The following HR variants were observed in gnomAD, a reference collection of about 807,000 sequenced individuals.
HR encodes the protein HR lysine demethylase and nuclear receptor corepressor.
Under a neutral mutation model 128.6 loss-of-function variants are expected in HR, and 83 were observed. The ratio of observed to expected loss-of-function variants is 0.65; its 90% CI spans 0.54 to 0.77. The LOEUF (loss-of-function observed/expected upper bound fraction) is 0.77. Among genes scored for constraint, HR ranks in the 30% least tolerant of loss-of-function variants. The pLI is 0.00. For missense variants in HR, 1,490 were observed against 1,574.6 expected (o/e 0.95, Z 0.91); for synonymous variants, 681 against 658.2 (o/e 1.03, Z -0.53).
At position 22,121,106 on chromosome 8, in the gene HR, T is replaced by C; in HGVS notation, c.2326A>G (p.Ile776Val). The C allele has an allele frequency of 6.2e-7, 1 of 1,613,808 alleles. No individual in the cohort carries two copies. Among genetic ancestry groups the C allele is most frequent in the Non-Finnish European group, 8.5e-7 (1 of 1,180,036 alleles). ...GTGACGGGGGCGAAGGCCATGTGTA[T>C]TCGCTCATGGCCCAAGCAGAGTTTG... Reference protein sequence around the residue: ...AVKLCLGHERIHMAFAPVTPA... With the variant: ...AVKLCLGHERVHMAFAPVTPA... The change falls in exon 10 of 19, where the codon ATA (isoleucine) becomes GTA (valine). Residue 776 changes from isoleucine to valine, a missense_variant. Physicochemically the swap from Ile to Val is conservative, Grantham distance 29. This residue lies in a region of HR where 1,060 missense variants were observed against 1,060.9 expected (regional missense o/e 1.00). Coordinates refer to ENST00000381418, the MANE Select transcript of HR (RefSeq NM_005144.5).
intron 2 of HR, chr8:22,128,035 C>G (rs1826946558): frequency 1.6e-6 from 1 of 644,392 alleles, no homozygotes. Context: ...CTCAGACGTC[C>G]CCACAAGGAA....
Position 22,129,138 on chromosome 8 carries a change from G to GGTGCCCTTCAGGAAGCTGGGC in HR, c.12_32dup (p.Ser6_Pro12dup). On this transcript the variant is annotated inframe_insertion, in exon 2 of 19. Transcript: ENST00000381418. ...CTGGGGCCGTCTTCTCCCAGGTTGGGGTGCCCTTCAGGAAGCTGGGCGTAC... is the reference window on the plus strand; with the variant it reads ...CTGGGGCCGTCTTCTCCCAGGTTGGGGTGCCCTTCAGGAAGCTGGGCGTGCCCTTCAGGAAGCTGGGCGTAC... 6.4e-7 allele frequency: 1 copy of GGTGCCCTTCAGGAAGCTGGGC among 1,552,472 alleles called. No homozygotes were observed. The highest frequency in any genetic ancestry group is 8.7e-7 in the Non-Finnish European group (1 of 1,153,450).
At chr8:22,126,612 C>G (rs1018451353) in intron 3 of HR, among the ~76,000 whole-genome samples, 1 of 152,256 alleles carries the variant, frequency 6.6e-6, no homozygotes, top group Non-Finnish European at 1.5e-5. Flanking sequence ...CAAGCCCTTG[C>G]TATGAATCAT....
At chr8:22,117,211 G>A (rs967946977) in intron 16 of HR, 172 bp from the exon 17 acceptor site, 2 of 632,806 alleles carry the variant, frequency 3.2e-6, no homozygotes, top group African/African-American at 3.8e-5. Context: ...GGGCAGCTCA[G>A]GTTGGCAGAA....
chr8:22,120,860 C>T lies in HR; in HGVS notation c.2466G>A (p.Pro822=), dbSNP rs1043972025. 48 of 1,551,816 alleles carry T rather than the reference C, an allele frequency of 3.1e-5. No homozygotes were observed. In the African/African-American group the frequency reaches 3.3e-4, roughly 11 times the overall value. ...GCAGGCCCAGGCCCTTGCGCAGACC[C>T]GGGCCAGCTCGAAGCCCCGGCCCCA... is the stretch of plus-strand genomic sequence containing the variant. ...KALGPGLRAG[P]GLRKGLGLPL... Residue 822 remains proline (P), a synonymous_variant, in exon 11 of 19, where the codon CCG becomes CCA. Transcript: ENST00000381418.
At chr8:22,120,219 C>G in intron 12 of HR, 46 bp from the exon 13 acceptor site, 7 of 1,595,944 alleles carry the variant, frequency 4.4e-6, no homozygotes, top group Non-Finnish European at 6.0e-6. Context: ...AGCCCTGAAG[C>G]CCCTGCCCCG....
intron 3 of HR, 84 bp from the exon 4 acceptor site, chr8:22,125,816 C>T: frequency 8.2e-6 from 12 of 1,459,514 alleles, no homozygotes; most frequent in South Asian, 2.6e-5. Flanking sequence ...CCACCCCATC[C>T]ACACTCAGAG....
At position 22,127,485 on chromosome 8, in the gene HR, C is replaced by T. The variant is rs1287589631; in HGVS notation, c.957G>A (p.Pro319=). 9 of 1,611,204 alleles carry T rather than the reference C, an allele frequency of 5.6e-6. No homozygotes were observed. Among genetic ancestry groups the T allele is most frequent in the East Asian group, 2.2e-5 (1 of 44,832 alleles). The change falls in exon 3 of 19, where the codon CCG becomes CCA. Residue 319 remains proline, a synonymous_variant. Transcript: ENST00000381418. The part of the protein sequence containing the change: ...PATPRCPSPE[P]PVTQRGCCSS... ...AACAGCAGCCCCGCTGGGTGACAGG[C>T]GGCTCAGGAGAGGGGCACCTTGGTG...
At position 22,125,724 on chromosome 8, in the gene HR, C is replaced by G; in HGVS notation, c.1414G>C (p.Asp472His). The G allele has an allele frequency of 6.2e-7, 1 of 1,613,810 alleles. No homozygotes were observed. The highest frequency in any genetic ancestry group is 8.5e-7 in the Non-Finnish European group (1 of 1,180,004). ...GQHDEQKGPQ[D>H]GQASLQDPGL... Reference sequence around the variant, plus strand: ...GGGTCCTGGAGACTGGCCTGGCCATCTTGGGGTCCTGAGGGGACAATGCAG... The same window carrying G: ...GGGTCCTGGAGACTGGCCTGGCCATGTTGGGGTCCTGAGGGGACAATGCAG... The change falls in exon 4 of 19, where the codon GAT becomes CAT. Residue 472 changes from aspartate (D) to histidine (H), a missense_variant. Physicochemically the swap from Asp to His is moderately conservative, Grantham distance 81. Around this residue, in one of 3 missense-constraint regions of HR, gnomAD observed 1,060 missense variants for 1,060.9 expected, o/e 1.00. Transcript: ENST00000381418.
At position 22,127,813 on chromosome 8, in the gene HR, T is replaced by C. The variant is rs567748402; in HGVS notation, c.629A>G (p.Asp210Gly). 19 of 1,598,698 alleles carry C rather than the reference T, an allele frequency of 1.2e-5. 1 individual carries two copies. In the South Asian group the frequency reaches 1.6e-4, roughly 14 times the overall value. The change falls in exon 3 of 19, where the codon GAT (aspartate) becomes GGT (glycine). Residue 210 changes from aspartate (D) to glycine (G), a missense_variant. By Grantham distance (94) the Asp-to-Gly change is moderately conservative. Transcript: ENST00000381418. ...SLGSKGFYYK[D>G]PSIPRLAKEP... Reference sequence around the variant, plus strand: ...CTTTGCCAACCTGGGAATGCTCGGATCCTTGTAGTAAAAGCCCTAAAGAGG... The same window carrying C: ...CTTTGCCAACCTGGGAATGCTCGGACCCTTGTAGTAAAAGCCCTAAAGAGG...
chr8:22,127,807 C>T lies in HR; in HGVS notation c.635G>A (p.Ser212Asn), dbSNP rs1298736626. The change falls in exon 3 of 19, where the codon AGC becomes AAC. Residue 212 changes from serine to asparagine, a missense_variant. By Grantham distance (46) the Ser-to-Asn change is conservative. Coordinates refer to ENST00000381418, the MANE Select transcript of HR (RefSeq NM_005144.5). Reference sequence around the variant, plus strand: ...GGGCTCCTTTGCCAACCTGGGAATGCTCGGATCCTTGTAGTAAAAGCCCTA... The same window carrying T: ...GGGCTCCTTTGCCAACCTGGGAATGTTCGGATCCTTGTAGTAAAAGCCCTA... ...GSKGFYYKDPSIPRLAKEPLA... is the reference protein window; with the variant it reads ...GSKGFYYKDPNIPRLAKEPLA... 4 of 1,598,798 alleles carry T rather than the reference C, an allele frequency of 2.5e-6. No homozygotes were observed. Among genetic ancestry groups the T allele is most frequent in the Admixed American group, 3.3e-5 (2 of 60,018 alleles).
chr8:22,116,557 G>A lies in HR; in HGVS notation c.3379-129C>T. On this transcript the variant is annotated intron_variant, in intron 17 of 18. Transcript: ENST00000381418. The surrounding 1 kb of genome is among the most constrained non-coding windows in gnomAD (Gnocchi z 4.2). Reference sequence around the variant, plus strand: ...CCTGGCTCTCAGAGAGCAGATTCCTGGATGCACCACTGGACACCTCAAAGC... The same window carrying A: ...CCTGGCTCTCAGAGAGCAGATTCCTAGATGCACCACTGGACACCTCAAAGC... 2.2e-6 allele frequency: 3 copies of A among 1,357,900 alleles called. No individual in the cohort carries two copies. Among genetic ancestry groups the A allele is most frequent in the Non-Finnish European group, 3.1e-6 (3 of 980,552 alleles). 84.1% of individuals were successfully genotyped at this position (1,357,900 alleles called of 1,614,324 possible).
rs773818829 is a variant in HR at position 22,115,684 on chromosome 8, G to A, written c.*16C>T. ...TCTACCTGTCCCCACCCCGATCCCA[G>A]ACACCTAGCATCCCTCTATTTGGCC... On this transcript the variant is annotated 3_prime_UTR_variant, in exon 19 of 19. Coordinates refer to ENST00000381418, the MANE Select transcript of HR (RefSeq NM_005144.5). 1 of 1,613,038 alleles carries A rather than the reference G, an allele frequency of 6.2e-7. No homozygotes were observed. Among genetic ancestry groups the A allele is most frequent in the Non-Finnish European group, 8.5e-7 (1 of 1,179,202 alleles).
At chr8:22,130,237 A>G (rs2131771492) in intron 1 of HR, among the ~76,000 whole-genome samples, 191 bp downstream of exon 1, 1 of 152,332 alleles carries the variant, frequency 6.6e-6, no homozygotes, top group South Asian at 2.1e-4. Flanking sequence ...GCAGTGGCAG[A>G]GGGCGCCCAG....
At chr8:22,129,486 C>A (rs1054985121) in intron 1 of HR, among the ~76,000 whole-genome samples, 2 of 152,248 alleles carry the variant, frequency 1.3e-5, no homozygotes, top group African/African-American at 4.8e-5. Flanking sequence ...CTGGCCTCAC[C>A]AAGCTAGGAA....
Position 22,116,218 on chromosome 8 carries a change from T to A in HR, c.3507+82A>T, listed in dbSNP as rs1023659953. 2.5e-6 allele frequency: 4 copies of A among 1,595,764 alleles called. No individual in the cohort carries two copies. The African/African-American group carries it at 5.4e-5, about 21-fold the overall frequency. ...TGCCTGCTTGGCACAGGGTGGGATC[T>A]GCTATGTCCACTGCAGCTGTGGCAC... is the stretch of plus-strand genomic sequence containing the variant. On this transcript the variant is annotated intron_variant, in intron 18 of 18. Transcript: ENST00000381418. This position sits in a 1 kb window ranked among gnomAD's most constrained non-coding sequence, Gnocchi z 4.2.
intron 3 of HR, 43 bp from the exon 4 acceptor site, chr8:22,125,775 C>A: frequency 6.2e-7 from 1 of 1,607,972 alleles, no homozygotes. Flanking sequence ...GTTTCTTGGG[C>A]TGCTGAGAAC....
At chr8:22,123,617 T>TTGGGGCG in intron 6 of HR, 32 bp downstream of exon 6, 3 of 292,092 alleles carry the variant, frequency 1.0e-5, no homozygotes, top group Non-Finnish European at 1.2e-5. Context: ...GAGGGCTCCA[T>TTGGGGCG]CCCGCCCTCC....
Position 22,127,898 on chromosome 8 carries a change from C to T in HR, c.613-69G>A, listed in dbSNP as rs145260810. ...CCCATGCCTAAATGGATGGGCAGAA[C>T]TGACAAGCAAGAAGGAAGGGGAGAA... On this transcript the variant is annotated intron_variant, in intron 2 of 18. Coordinates refer to ENST00000381418, the MANE Select transcript of HR (RefSeq NM_005144.5). 18 of 1,434,138 alleles carry T rather than the reference C, an allele frequency of 1.3e-5. No individual in the cohort carries two copies. The East Asian group carries it at 2.9e-4, about 23-fold the overall frequency. 88.8% of individuals were successfully genotyped at this position (1,434,138 alleles called of 1,614,324 possible). A position where few individuals can be genotyped will look rare whatever the true frequency, so the allele number is the denominator to read the frequency against.
Sources: gnomAD v4.1 joint callset for allele counts (sites outside exome capture counted in the v4.1 genomes callset) on GRCh38, gnomAD v4.1.1 for gene constraint, gnomAD v4.1.1 regional missense constraint, Gnocchi (gnomAD v3.1) non-coding constraint, MANE v1.5 for transcripts, NCBI Gene and HGNC (gene_info 2026-07-23, HGNC 2026-07-21) for gene names.